The following HDAC9 variants were observed in gnomAD, a reference collection of about 807,000 sequenced individuals.
The protein encoded by HDAC9 is MEF-2 interacting transcription repressor (MITR) protein.
Under a neutral mutation model 139.4 loss-of-function variants are expected in HDAC9, and 41 were observed. The observed-to-expected ratio is 0.29, with a 90% confidence interval of 0.23 to 0.38. The LOEUF is 0.38. HDAC9 is among the 10% of genes least tolerant of loss of function. HDAC9 has a pLI of 1.00. For synonymous variants in HDAC9, 517 were observed against 476.2 expected (o/e 1.09, Z -1.12); for missense variants, 1,147 against 1,297.0 (o/e 0.88, Z 1.78).
At chr7:18,785,266 A>G (rs1791612470) in intron 16 of HDAC9, among the ~76,000 whole-genome samples, 2 of 152,128 alleles carry the variant, frequency 1.3e-5, no homozygotes, top group East Asian at 3.9e-4. Flanking sequence ...TGTTCAGTAG[A>G]CAGAATTATT....
At chr7:18,593,169 A>G (rs1467871003) in intron 5 of HDAC9, among the ~76,000 whole-genome samples, 1 of 152,118 alleles carries the variant, frequency 6.6e-6, no homozygotes, top group Non-Finnish European at 1.5e-5. Context: ...GATTTAAATA[A>G]ATAATACTGG....
intron 1 of HDAC9, among the ~76,000 whole-genome samples, chr7:18,140,006 G>A (rs1031721296): frequency 4.6e-5 from 7 of 152,118 alleles, no homozygotes; most frequent in Admixed American, 6.6e-5. Context: ...GTGGCACAAC[G>A]GTTGTGGTCA....
chr7:18,288,356 C>T (rs1797590694), upstream of HDAC9, among the ~76,000 whole-genome samples: 1 of 152,154 alleles, frequency 6.6e-6, no homozygotes, highest in African/African-American at 2.4e-5. Context: ...ACTTCAGTTA[C>T]TCTTATTTTC....
chr7:18,796,640 C>G (rs1217482208), intron 17 of HDAC9, among the ~76,000 whole-genome samples: 1 of 152,066 alleles, frequency 6.6e-6, no homozygotes, highest in African/African-American at 2.4e-5. Flanking sequence ...TTCTCAGATT[C>G]TCTTACAAAG....
chr7:18,968,989 C>T (rs1448495450), intron 24 of HDAC9, among the ~76,000 whole-genome samples: 1 of 94,630 alleles, frequency 1.1e-5, no homozygotes, highest in Non-Finnish European at 2.5e-5. Context: ...AAAAGAATCA[C>T]TTTATCCTCT....
intron 2 of HDAC9, among the ~76,000 whole-genome samples, chr7:18,526,466 A>T (rs540064661): frequency 4.6e-5 from 7 of 152,224 alleles, no homozygotes; most frequent in Non-Finnish European, 5.9e-5. Flanking sequence ...CTTTATACCT[A>T]CATCTGAAGA....
intron 2 of HDAC9, among the ~76,000 whole-genome samples, chr7:18,520,901 T>C (rs1217426320): frequency 1.3e-5 from 2 of 152,198 alleles, no homozygotes; most frequent in Non-Finnish European, 2.9e-5. Context: ...TAAAATAACC[T>C]GAAGAAATTA....
chr7:18,629,208 C>T, intron 6 of HDAC9, 142 bp from the exon 7 acceptor site: 1 of 647,182 alleles, frequency 1.5e-6, no homozygotes, highest in East Asian at 3.1e-5. Context: ...GTCAATGCCT[C>T]ATTTATGTGC....
chr7:18,419,259 T>C (rs1024412092), intron 1 of HDAC9, among the ~76,000 whole-genome samples: 1 of 152,238 alleles, frequency 6.6e-6, no homozygotes, highest in Admixed American at 6.5e-5. Flanking sequence ...TTTTTAACTA[T>C]GATATTAATA....
chr7:18,268,947 A>G (rs1232541799), intron 2 of HDAC9, among the ~76,000 whole-genome samples: 1 of 152,236 alleles, frequency 6.6e-6, no homozygotes, highest in Non-Finnish European at 1.5e-5. Flanking sequence ...ATTTGAACAA[A>G]TGGAAGACTA....
intron 13 of HDAC9, among the ~76,000 whole-genome samples, chr7:18,730,030 C>T (rs559069415): frequency 1.3e-5 from 2 of 152,278 alleles, no homozygotes; most frequent in South Asian, 4.1e-4. Flanking sequence ...TATTTGTTAG[C>T]TCATTTGAAC....
chr7:18,296,116 CG>C (rs1347674424), intron 1 of HDAC9, among the ~76,000 whole-genome samples: 1 of 151,990 alleles, frequency 6.6e-6, no homozygotes, highest in Admixed American at 6.6e-5. Flanking sequence ...TAAAAAACAA[CG>C]TGAATAAATA....
rs1023502129 is a variant in HDAC9 at position 18,872,349 on chromosome 7, T to C, written c.2685-2129T>C. Among the ~76,000 whole-genome samples, 5 of 152,224 alleles carry C rather than the reference T, an allele frequency of 3.3e-5. No individual in the cohort carries two copies. In the East Asian group the frequency reaches 9.7e-4, roughly 29 times the overall value. On this transcript the variant is annotated intron_variant, in intron 21 of 25. Coordinates refer to ENST00000686413, the MANE Select transcript of HDAC9 (RefSeq NM_178425.4). ...AGTGACCTACGTAGCAAATGTGCAA[T>C]TTGCTTCAGATAGAAACCAGTAGAT...
At chr7:18,313,614 T>C (rs1799457529) in intron 1 of HDAC9, among the ~76,000 whole-genome samples, 1 of 152,230 alleles carries the variant, frequency 6.6e-6, no homozygotes, top group South Asian at 2.1e-4. Flanking sequence ...TGGATTTTAA[T>C]ATATGCAAAT....
chr7:18,378,457 C>G (rs777239145), intron 1 of HDAC9, among the ~76,000 whole-genome samples: 2 of 151,922 alleles, frequency 1.3e-5, no homozygotes, highest in Non-Finnish European at 2.9e-5. Context: ...TACAGTATAG[C>G]TTTTTCATAA....
intron 1 of HDAC9, among the ~76,000 whole-genome samples, chr7:18,109,152 C>G (rs1783434938): frequency 6.6e-6 from 1 of 152,164 alleles, no homozygotes; most frequent in African/African-American, 2.4e-5. Context: ...CATGTGGAAA[C>G]AGGGAATTTC....
chr7:18,584,311 G>A (rs1828785295), intron 2 of HDAC9, among the ~76,000 whole-genome samples: 3 of 151,724 alleles, frequency 2.0e-5, no homozygotes, highest in Admixed American at 2.0e-4. Flanking sequence ...TGTATTTTTA[G>A]TAGAGAAGGG....
Position 18,547,857 on chromosome 7 carries a change from T to TTCCTTCCTTCCTTCCCTCCCTCCCTCCC in HDAC9, c.23-37424_23-37423insTCCTTCCTTCCTTCCCTCCCTCCCTCCC, listed in dbSNP as rs1563229989. Among the ~76,000 whole-genome samples, 168 of 118,484 alleles carry TTCCTTCCTTCCTTCCCTCCCTCCCTCCC rather than the reference T, an allele frequency of 1.4e-3. 7 individuals carry two copies. Among genetic ancestry groups the TTCCTTCCTTCCTTCCCTCCCTCCCTCCC allele is most frequent in the African/African-American group, 6.1e-3 (154 of 25,390 alleles). The allele number at this position is 118,484 out of a possible 152,430, so 77.7% of individuals were successfully genotyped here. ...CTTCCTTCCTTCCTTCCTTCCTTCC[T>TTCCTTCCTTCCTTCCCTCCCTCCCTCCC]ACCCTCCCTCCCTCCCTCCCTCCCT... On this transcript the variant is annotated intron_variant, in intron 2 of 25. Transcript: ENST00000686413.
intron 1 of HDAC9, among the ~76,000 whole-genome samples, chr7:18,448,258 G>A (rs929101772): frequency 2.0e-5 from 3 of 152,162 alleles, no homozygotes; most frequent in African/African-American, 7.2e-5. Context: ...AATTTATTCT[G>A]TATAGCTACA....
Sources: gnomAD v4.1 joint callset for allele counts (sites outside exome capture counted in the v4.1 genomes callset) on GRCh38, gnomAD v4.1.1 for gene constraint, MANE v1.5 for transcripts, NCBI Gene and HGNC (gene_info 2026-07-23, HGNC 2026-07-21) for gene names.